ARMC8: variants seen among roughly 807,000 people sequenced by gnomAD.
ARMC8 encodes armadillo repeat containing 8.
In ARMC8, 20 loss-of-function variants were observed where a neutral mutation model predicts 99.3. The ratio of observed to expected loss-of-function variants is 0.20; its 90% CI spans 0.14 to 0.29. ARMC8 has a LOEUF of 0.29. Among genes scored for constraint, ARMC8 ranks in the 10% least tolerant of loss-of-function variants. The probability of loss-of-function intolerance (pLI) is 1.00; values close to 1 mark genes in which losing one functional copy is unlikely to be tolerated. For missense variants in ARMC8, 569 were observed against 809.5 expected (o/e 0.70, Z 3.60); for synonymous variants, 263 against 278.3 (o/e 0.95, Z 0.55).
intron 12 of ARMC8, among the ~76,000 whole-genome samples, chr3:138,254,889 G>T (rs1465708361): frequency 2.0e-5 from 3 of 152,102 alleles, no homozygotes; most frequent in Non-Finnish European, 4.4e-5. Flanking sequence ...AGGTATAAAT[G>T]ACAAAATATC....
At chr3:138,262,646 A>C in intron 12 of ARMC8, 9 of 1,491,192 alleles carry the variant, frequency 6.0e-6, no homozygotes, top group Non-Finnish European at 8.0e-6. Context: ...TGGAGAATCT[A>C]ATTTAATTGG....
At position 138,263,959 on chromosome 3, in the gene ARMC8, A is replaced by G. The variant is rs1324022812; in HGVS notation, c.1217+138A>G. ...CAGGTGAATTCATAGAGTATATAAC[A>G]TTGTCTAACAGAGAGCCTGGCCTCC... is the stretch of plus-strand genomic sequence containing the variant. On this transcript the variant is annotated intron_variant, in intron 13 of 21. Coordinates refer to ENST00000469044, the MANE Select transcript of ARMC8 (RefSeq NM_001363941.2). 8 of 981,368 alleles carry G rather than the reference A, an allele frequency of 8.2e-6. No individual in the cohort carries two copies. In the South Asian group the frequency reaches 8.5e-5, roughly 10 times the overall value. 60.8% of individuals were successfully genotyped at this position (981,368 alleles called of 1,614,324 possible).
In ARMC8 at chr3:138,246,089, T is replaced by C. The variant is rs1484902375; in HGVS notation, c.1134+906T>C. 3.0e-6 allele frequency: 3 copies of C among 985,276 alleles called. No individual in the cohort carries two copies. In the African/African-American group the frequency reaches 5.2e-5, roughly 17 times the overall value. The allele number at this position is 985,276 out of a possible 1,614,324, so 61.0% of individuals were successfully genotyped here. On this transcript the variant is annotated intron_variant, in intron 12 of 21. Transcript: ENST00000469044. ...AATCACAAAGTATTAGAGTTTACCA[T>C]GATTCAGAGAAGTTCTTCAGGCCTG...
At chr3:138,198,948 TATTAA>T (rs1057445337) in intron 1 of ARMC8, among the ~76,000 whole-genome samples, 1 of 152,148 alleles carries the variant, frequency 6.6e-6, no homozygotes, top group African/African-American at 2.4e-5. Context: ...TATACAAGTA[TATTAA>T]ATTTAAAAAT....
intron 15 of ARMC8, among the ~76,000 whole-genome samples, chr3:138,267,816 A>G (rs1367670042): frequency 2.0e-5 from 3 of 152,222 alleles, no homozygotes; most frequent in Non-Finnish European, 4.4e-5. Flanking sequence ...TTATTATGTC[A>G]TAATACCCCT....
chr3:138,229,952 T>G (rs922383900), intron 6 of ARMC8, among the ~76,000 whole-genome samples: 25 of 152,196 alleles, frequency 1.6e-4, no homozygotes, highest in African/African-American at 5.3e-4. Context: ...TCTATGCTGT[T>G]TTAGAACAGC....
intron 18 of ARMC8, among the ~76,000 whole-genome samples, chr3:138,283,972 G>A (rs1172691944): frequency 6.6e-6 from 1 of 152,226 alleles, no homozygotes; most frequent in Non-Finnish European, 1.5e-5. Context: ...TTAGGAGCAA[G>A]CAGCAGGTGG....
intron 21 of ARMC8, among the ~76,000 whole-genome samples, chr3:138,295,023 G>A (rs189519382): frequency 3.8e-4 from 58 of 151,564 alleles, no homozygotes; most frequent in African/African-American, 1.2e-3. Flanking sequence ...CTCAGCCTCC[G>A]AAGTGGTTGG....
chr3:138,201,910 C>T (rs1240419377), intron 1 of ARMC8, among the ~76,000 whole-genome samples: 1 of 152,154 alleles, frequency 6.6e-6, no homozygotes, highest in Non-Finnish European at 1.5e-5. Flanking sequence ...CACTAAATCA[C>T]TTTAATATGG....
At chr3:138,246,064 A>G (rs1049168682) in intron 12 of ARMC8, 3 of 985,288 alleles carry the variant, frequency 3.0e-6, no homozygotes, top group Non-Finnish European at 3.6e-6. Flanking sequence ...CTGTGAGAGA[A>G]ATCACAAAGT....
At chr3:138,258,266 C>T (rs1199642117) in intron 12 of ARMC8, among the ~76,000 whole-genome samples, 2 of 152,132 alleles carry the variant, frequency 1.3e-5, no homozygotes, top group Admixed American at 1.3e-4. Context: ...GGTTTCAGCA[C>T]AGTTGAAGCT....
At chr3:138,187,711 CG>C in intron 1 of ARMC8, 112 bp downstream of exon 1, 3 of 1,206,970 alleles carry the variant, frequency 2.5e-6, no homozygotes, top group Non-Finnish European at 3.5e-6. Context: ...GGGTGGACCC[CG>C]GCTCAGTCTC....
chr3:138,276,262 T>C (rs1317677534), intron 18 of ARMC8, among the ~76,000 whole-genome samples: 2 of 152,238 alleles, frequency 1.3e-5, no homozygotes, highest in Middle Eastern at 3.2e-3. Flanking sequence ...AATTATTTTT[T>C]TGACTGACAT....
At chr3:138,215,181 A>C (rs965089098) in intron 2 of ARMC8, among the ~76,000 whole-genome samples, 15 of 152,106 alleles carry the variant, frequency 9.9e-5, no homozygotes, top group African/African-American at 3.6e-4. Flanking sequence ...TTGAACATCA[A>C]GACTATATAT....
chr3:138,228,977 G>T lies in ARMC8; in HGVS notation c.495G>T (p.Glu165Asp), dbSNP rs1417702938. ...ALLSRSRYTQ[E>D]YICQIFSHCC... ...TTAGCAGGTCCCGCTATACCCAGGA[G>T]TACATCTGTCAGATCTTCTCACACT... The change falls in exon 6 of 22, where the codon GAG (glutamate) becomes GAT (aspartate). Residue 165 changes from glutamate to aspartate, a missense_variant. Glu to Asp is a conservative substitution (Grantham distance 45). Transcript: ENST00000469044. 4 of 1,609,766 alleles carry T rather than the reference G, an allele frequency of 2.5e-6. No homozygotes were observed. In the South Asian group the frequency reaches 3.3e-5, roughly 13 times the overall value.
At chr3:138,272,846 T>C in intron 16 of ARMC8, 121 bp from the exon 17 acceptor site, 1 of 901,406 alleles carries the variant, frequency 1.1e-6, no homozygotes, top group Non-Finnish European at 1.5e-6. Flanking sequence ...CACACCAGCC[T>C]GGGCGACAGA....
chr3:138,282,962 A>G (rs2050080986), intron 18 of ARMC8, among the ~76,000 whole-genome samples: 1 of 152,224 alleles, frequency 6.6e-6, no homozygotes, highest in Non-Finnish European at 1.5e-5. Context: ...GTGCTTATGT[A>G]CCAGATCACC....
chr3:138,228,594 A>G, intron 5 of ARMC8: 1 of 430,804 alleles, frequency 2.3e-6, no homozygotes. Context: ...TAGTTACCTC[A>G]CATTTTGGTT....
chr3:138,295,815 T>C, intron 21 of ARMC8, 44 bp from the exon 22 acceptor site: 1 of 1,609,064 alleles, frequency 6.2e-7, no homozygotes, highest in Non-Finnish European at 8.5e-7. Flanking sequence ...TTTACCCCAA[T>C]TACAATTCTG....
Sources: gnomAD v4.1 joint callset for allele counts (sites outside exome capture counted in the v4.1 genomes callset) on GRCh38, gnomAD v4.1.1 for gene constraint, MANE v1.5 for transcripts, NCBI Gene and HGNC (gene_info 2026-07-23, HGNC 2026-07-21) for gene names.